OPCML: variants seen among roughly 807,000 people sequenced by gnomAD.
OPCML encodes opioid-binding protein/cell adhesion molecule.
A neutral mutation model predicts 37.8 loss-of-function variants in OPCML; 13 were observed. The ratio of observed to expected loss-of-function variants is 0.34; its 90% CI spans 0.22 to 0.55. The LOEUF (loss-of-function observed/expected upper bound fraction) is 0.55. Ranked by LOEUF, OPCML falls within the 20% of genes least tolerant of loss-of-function variation. OPCML has a pLI of 0.91. For synonymous variants in OPCML, 176 were observed against 168.8 expected (o/e 1.04, Z -0.33); for missense variants, 341 against 435.6 (o/e 0.78, Z 1.93).
Position 132,436,087 on chromosome 11 carries a change from A to G in OPCML, c.915T>C (p.Tyr305=). 1 of 1,613,762 alleles carries G rather than the reference A, an allele frequency of 6.2e-7. No homozygotes were observed. The highest frequency in any genetic ancestry group is 2.2e-5 in the East Asian group (1 of 44,866). The change falls in exon 7 of 8, where the codon TAT becomes TAC. Residue 305 remains tyrosine, a splice_region_variant and synonymous_variant. Coordinates refer to ENST00000524381, the MANE Select transcript of OPCML (RefSeq NM_001012393.5). ...LGNTNASITL[Y]GPGAVIDGVN... is the part of the protein sequence containing the mutation. ...TGCATCCAGGCTTCCAGCACTCACCATACAATGTGATGCTGGCATTGGTGT... is the reference window on the plus strand; with the variant it reads ...TGCATCCAGGCTTCCAGCACTCACCGTACAATGTGATGCTGGCATTGGTGT...
chr11:133,334,309 G>A (rs1026966673), intron 1 of OPCML, among the ~76,000 whole-genome samples: 2 of 152,258 alleles, frequency 1.3e-5, no homozygotes, highest in Admixed American at 6.5e-5. Flanking sequence ...ATATTATGCA[G>A]CAGTGAAAAA....
intron 3 of OPCML, among the ~76,000 whole-genome samples, chr11:132,585,677 C>T (rs958317787): frequency 6.6e-6 from 1 of 152,302 alleles, no homozygotes; most frequent in Non-Finnish European, 1.5e-5. Flanking sequence ...TGGACTAAAA[C>T]ATGATGTACT....
At chr11:133,377,064 G>A (rs954306228) in intron 1 of OPCML, among the ~76,000 whole-genome samples, 11 of 152,154 alleles carry the variant, frequency 7.2e-5, no homozygotes, top group Admixed American at 2.6e-4. Flanking sequence ...GTGTTTCGAC[G>A]TCCAGCAGTA....
chr11:133,478,999 T>C (rs914039754), intron 1 of OPCML, among the ~76,000 whole-genome samples: 1 of 152,210 alleles, frequency 6.6e-6, no homozygotes, highest in African/African-American at 2.4e-5. Context: ...AAGCCTTGGG[T>C]TGCTTCATTG....
At chr11:132,630,586 T>C (rs1432128966) in intron 3 of OPCML, among the ~76,000 whole-genome samples, 4 of 152,088 alleles carry the variant, frequency 2.6e-5, no homozygotes, top group Admixed American at 6.6e-5. Context: ...CATATACCAC[T>C]ACATACTAGA....
At chr11:132,820,730 C>T (rs1044979909) in intron 2 of OPCML, among the ~76,000 whole-genome samples, 2 of 152,110 alleles carry the variant, frequency 1.3e-5, no homozygotes, top group Non-Finnish European at 2.9e-5. Flanking sequence ...AGTTTGGTGA[C>T]AGAAGGAAAC....
intron 1 of OPCML, among the ~76,000 whole-genome samples, chr11:133,053,237 A>G (rs899589108): frequency 1.3e-5 from 2 of 152,194 alleles, no homozygotes; most frequent in African/African-American, 4.8e-5. Flanking sequence ...CCTTGAGCTC[A>G]TGATGGAGAC....
chr11:132,564,833 G>A (rs1426861787), intron 3 of OPCML, among the ~76,000 whole-genome samples: 1 of 152,154 alleles, frequency 6.6e-6, no homozygotes, highest in East Asian at 1.9e-4. Flanking sequence ...CAAAGTCAAC[G>A]GGGTATGGTA....
intron 1 of OPCML, among the ~76,000 whole-genome samples, chr11:133,390,287 G>T (rs950060730): frequency 6.6e-6 from 1 of 151,730 alleles, no homozygotes. Context: ...CTGAAACCCC[G>T]TCTCTACTAA....
intron 1 of OPCML, among the ~76,000 whole-genome samples, chr11:133,367,754 C>G (rs1944577881): frequency 6.6e-6 from 1 of 152,276 alleles, no homozygotes; most frequent in Non-Finnish European, 1.5e-5. Context: ...TTAGCTTGTA[C>G]GTTCTGGCCC....
At chr11:132,592,610 C>T (rs867173167) in intron 3 of OPCML, among the ~76,000 whole-genome samples, 60 of 152,280 alleles carry the variant, frequency 3.9e-4, no homozygotes, top group Middle Eastern at 3.4e-3. Context: ...TAGCAAGAGA[C>T]CTGCAGTGCA....
intron 1 of OPCML, among the ~76,000 whole-genome samples, chr11:133,396,852 T>C (rs1565612442): frequency 6.6e-6 from 1 of 152,144 alleles, no homozygotes; most frequent in Non-Finnish European, 1.5e-5. Flanking sequence ...ATCCAAAAAG[T>C]GATCCCTTAC....
intron 1 of OPCML, among the ~76,000 whole-genome samples, chr11:132,982,010 C>T (rs1361224312): frequency 6.6e-6 from 1 of 152,154 alleles, no homozygotes; most frequent in Non-Finnish European, 1.5e-5. Context: ...GTTCTAAACC[C>T]AGAACTCTTT....
At position 133,211,299 on chromosome 11, in the gene OPCML, G is replaced by A. The variant is rs111698260; in HGVS notation, c.62-268289C>T. 1.5e-4 allele frequency among the ~76,000 whole-genome samples: 23 copies of A among 152,132 alleles called. No individual in the cohort carries two copies. The highest frequency in any genetic ancestry group is 4.3e-4 in the African/African-American group (18 of 41,404). ...CCTCTAATTGAGACCACAGCACCCA[G>A]CACCTAAAAATCCACTCTTTAAGCA... On this transcript the variant is annotated intron_variant, in intron 1 of 7. Coordinates refer to ENST00000524381, the MANE Select transcript of OPCML (RefSeq NM_001012393.5). The surrounding 1 kb of genome is among the most constrained non-coding windows in gnomAD (Gnocchi z 4.1).
At chr11:133,519,764 C>T (rs1948361251) in intron 1 of OPCML, among the ~76,000 whole-genome samples, 1 of 152,190 alleles carries the variant, frequency 6.6e-6, no homozygotes, top group African/African-American at 2.4e-5. Flanking sequence ...AATGGCTTCT[C>T]CCGCACCTCT....
intron 1 of OPCML, among the ~76,000 whole-genome samples, chr11:133,281,711 G>A (rs1335515996): frequency 1.3e-5 from 2 of 151,998 alleles, no homozygotes; most frequent in Non-Finnish European, 1.5e-5. Flanking sequence ...GAGAAGTTTG[G>A]AACTTCTTAG....
At chr11:132,427,516 C>G (rs2095981613) in intron 7 of OPCML, among the ~76,000 whole-genome samples, 1 of 152,222 alleles carries the variant, frequency 6.6e-6, no homozygotes, top group Non-Finnish European at 1.5e-5. Context: ...CAAGTAAGAT[C>G]AACCAACGAG....
rs919139762 is a variant in OPCML, at chr11:133,140,578, A to G, written c.62-197568T>C. ...AAGAAGAAGAAGAAGAAGAAGAAGAAAGAAGAAAAAAGAAAGAAGAAAGAA... is the reference window on the plus strand; with the variant it reads ...AAGAAGAAGAAGAAGAAGAAGAAGAGAGAAGAAAAAAGAAAGAAGAAAGAA... On this transcript the variant is annotated intron_variant, in intron 1 of 7. Coordinates refer to ENST00000524381, the MANE Select transcript of OPCML (RefSeq NM_001012393.5). Among the ~76,000 whole-genome samples, 5 of 84,932 alleles carry G rather than the reference A, an allele frequency of 5.9e-5. No homozygotes were observed. In the East Asian group the frequency reaches 1.9e-3, roughly 33 times the overall value. The allele number at this position is 84,932 out of a possible 152,430, so 55.7% of individuals were successfully genotyped here. A position where few individuals can be genotyped will look rare whatever the true frequency, so the allele number is the denominator to read the frequency against.
intron 1 of OPCML, among the ~76,000 whole-genome samples, chr11:133,384,962 G>A (rs1945013127): frequency 6.6e-6 from 1 of 152,244 alleles, no homozygotes; most frequent in Non-Finnish European, 1.5e-5. Flanking sequence ...ACAGAGGCCG[G>A]CCAGATCCCA....
Sources: allele counts gnomAD v4.1 joint callset (sites outside exome capture counted in the v4.1 genomes callset), GRCh38; gene constraint gnomAD v4.1.1; non-coding constraint Gnocchi (gnomAD v3.1); transcripts MANE v1.5; gene names NCBI Gene and HGNC (gene_info 2026-07-23, HGNC 2026-07-21).